NEDD4L: variants seen among roughly 807,000 people sequenced by gnomAD.
NEDD4L encodes NEDD4 like E3 ubiquitin protein ligase.
NEDD4L carries 54 observed loss-of-function variants against 148.9 expected under a neutral mutation model. That is an observed-to-expected ratio of 0.36 (90% CI 0.29 to 0.45). NEDD4L has a LOEUF of 0.45. NEDD4L is among the 20% of genes least tolerant of loss of function. The pLI, the probability that NEDD4L is intolerant of heterozygous loss-of-function variation, is 1.00. For synonymous variants in NEDD4L, 433 were observed against 440.7 expected (o/e 0.98, Z 0.22); for missense variants, 856 against 1,233.8 (o/e 0.69, Z 4.59).
chr18:58,173,830 A>G (rs2037789056), intron 2 of NEDD4L, among the ~76,000 whole-genome samples: 1 of 152,210 alleles, frequency 6.6e-6, no homozygotes, highest in Non-Finnish European at 1.5e-5. Flanking sequence ...TCCCCAGCTG[A>G]CCTTAAAATG....
At chr18:58,259,549 A>G (rs765389008) in intron 5 of NEDD4L, among the ~76,000 whole-genome samples, 1 of 152,174 alleles carries the variant, frequency 6.6e-6, no homozygotes, top group Non-Finnish European at 1.5e-5. Flanking sequence ...TGTGCATAAT[A>G]ACTGTGAAAC....
At chr18:58,154,929 G>A (rs547553562) in intron 1 of NEDD4L, among the ~76,000 whole-genome samples, 2 of 152,280 alleles carry the variant, frequency 1.3e-5, no homozygotes, top group East Asian at 1.9e-4. Flanking sequence ...ATGTGGAAGC[G>A]ATTACTTCTG....
intron 2 of NEDD4L, chr18:58,195,272 TG>T: frequency 2.1e-6 from 1 of 479,106 alleles, no homozygotes; most frequent in Non-Finnish European, 3.4e-6. Flanking sequence ...ATAACTTCCC[TG>T]GTGTTGTTTT....
chr18:58,307,848 A>T (rs1448648496), intron 5 of NEDD4L, among the ~76,000 whole-genome samples: 1 of 145,796 alleles, frequency 6.9e-6, no homozygotes, highest in Non-Finnish European at 1.6e-5. Flanking sequence ...AGTGTCTGTC[A>T]TTCAATATTT....
At chr18:58,372,356 C>T (rs913127909) in intron 23 of NEDD4L, 3 of 152,084 alleles carry the variant, frequency 2.0e-5, no homozygotes, top group East Asian at 3.9e-4. Flanking sequence ...AAGCCCTCCT[C>T]CTGCCTCAGC....
At chr18:58,232,815 G>A (rs1314289415) in intron 2 of NEDD4L, among the ~76,000 whole-genome samples, 1 of 152,212 alleles carries the variant, frequency 6.6e-6, no homozygotes, top group African/African-American at 2.4e-5. Context: ...TATTTTGCAA[G>A]TTGTTTTTCT....
intron 15 of NEDD4L, 89 bp downstream of exon 15, chr18:58,341,886 C>G: frequency 7.0e-7 from 1 of 1,422,680 alleles, no homozygotes; most frequent in Non-Finnish European, 9.7e-7. Flanking sequence ...AGTTTCGCAG[C>G]CACCTCCTCT....
At chr18:58,122,868 G>T (rs1002265916) in intron 1 of NEDD4L, among the ~76,000 whole-genome samples, 1 of 151,952 alleles carries the variant, frequency 6.6e-6, no homozygotes, top group Non-Finnish European at 1.5e-5. Flanking sequence ...CCTGAGTAGG[G>T]ATTACAGGTG....
intron 1 of NEDD4L, among the ~76,000 whole-genome samples, chr18:58,079,197 G>A (rs1166455904): frequency 6.6e-6 from 1 of 152,192 alleles, no homozygotes; most frequent in Non-Finnish European, 1.5e-5. Context: ...CCTTGGGCAA[G>A]TGGCTTAATG....
At chr18:58,102,067 C>CT (rs891640370) in intron 1 of NEDD4L, among the ~76,000 whole-genome samples, 13 of 152,108 alleles carry the variant, frequency 8.5e-5, no homozygotes, top group African/African-American at 1.9e-4. Context: ...CTAATTTTAT[C>CT]TTTTTTTTCC....
chr18:58,063,056 T>C (rs2082411737), intron 1 of NEDD4L, among the ~76,000 whole-genome samples: 1 of 58,206 alleles, frequency 1.7e-5, no homozygotes, highest in Non-Finnish European at 3.7e-5. Flanking sequence ...TTTTTTTTTT[T>C]TTTTTTTGAG....
At chr18:58,070,729 C>CA (rs1171079393) in intron 1 of NEDD4L, among the ~76,000 whole-genome samples, 1 of 146,006 alleles carries the variant, frequency 6.8e-6, no homozygotes, top group Non-Finnish European at 1.5e-5. Flanking sequence ...CCCACCCACC[C>CA]ACCCTTAGTA....
intron 1 of NEDD4L, among the ~76,000 whole-genome samples, chr18:58,162,449 T>A (rs989747388): frequency 1.3e-5 from 2 of 152,050 alleles, no homozygotes; most frequent in African/African-American, 2.4e-5. Context: ...CCAGTGTCTT[T>A]TCGCCAAAGA....
chr18:58,352,608 A>G (rs1181743444), intron 18 of NEDD4L, among the ~76,000 whole-genome samples: 1 of 152,182 alleles, frequency 6.6e-6, no homozygotes, highest in African/African-American at 2.4e-5. Flanking sequence ...GCGGTGAGAC[A>G]AGATCATACC....
chr18:58,294,084 A>G (rs931390713), intron 5 of NEDD4L, among the ~76,000 whole-genome samples: 16 of 152,068 alleles, frequency 1.1e-4, no homozygotes, highest in African/African-American at 3.9e-4. Flanking sequence ...ATGAACACCT[A>G]TTTTGTCTAA....
intron 4 of NEDD4L, among the ~76,000 whole-genome samples, chr18:58,251,566 T>TAC (rs759906237): frequency 0.014 from 2,046 of 150,608 alleles, 31 homozygotes; most frequent in African/African-American, 0.041. Context: ...TGTCTCTCTC[T>TAC]ACACACACAC....
At chr18:58,303,110 G>A (rs2056689368) in intron 5 of NEDD4L, among the ~76,000 whole-genome samples, 1 of 152,188 alleles carries the variant, frequency 6.6e-6, no homozygotes, top group African/African-American at 2.4e-5. Flanking sequence ...TTTCCAAATG[G>A]CAGAGGTGCA....
At chr18:58,048,060 C>A (rs1259515834) in intron 1 of NEDD4L, among the ~76,000 whole-genome samples, 2 of 152,154 alleles carry the variant, frequency 1.3e-5, no homozygotes, top group Non-Finnish European at 1.5e-5. Context: ...ATAAATGGCA[C>A]CTTCTCTCCT....
chr18:58,218,467 C>A (rs1797731761), intron 2 of NEDD4L, among the ~76,000 whole-genome samples: 1 of 152,166 alleles, frequency 6.6e-6, no homozygotes. Context: ...ATGAAAGCAT[C>A]CTCTCCTACT....
Sources: allele counts gnomAD v4.1 joint callset (sites outside exome capture counted in the v4.1 genomes callset), GRCh38; gene constraint gnomAD v4.1.1; transcripts MANE v1.5; gene names NCBI Gene and HGNC (gene_info 2026-07-23, HGNC 2026-07-21).